ROBO1: variants seen among roughly 807,000 people sequenced by gnomAD.
ROBO1 encodes roundabout guidance receptor 1.
ROBO1 carries 149 observed loss-of-function variants against 195.9 expected under a neutral mutation model. The ratio of observed to expected loss-of-function variants is 0.76; its 90% CI spans 0.67 to 0.87. ROBO1 has a LOEUF of 0.87. Among genes scored for constraint, ROBO1 ranks in the 40% least tolerant of loss-of-function variants. The pLI, the probability that ROBO1 is intolerant of heterozygous loss-of-function variation, is 0.00. For missense variants in ROBO1, 1,933 were observed against 2,068.3 expected, an observed-to-expected ratio of 0.93 and a Z score of 1.27; for synonymous variants, 816 against 733.2, an observed-to-expected ratio of 1.11 and a Z score of -1.82.
intron 2 of ROBO1, among the ~76,000 whole-genome samples, chr3:79,531,919 G>T (rs1941677858): frequency 6.6e-6 from 1 of 152,168 alleles, no homozygotes; most frequent in Non-Finnish European, 1.5e-5. Flanking sequence ...GAGATAAATT[G>T]TAGAGATAGT....
intron 2 of ROBO1, among the ~76,000 whole-genome samples, chr3:79,330,907 A>T (rs765396568): frequency 1.3e-5 from 2 of 152,124 alleles, no homozygotes; most frequent in African/African-American, 4.8e-5. Flanking sequence ...ACATTGGATT[A>T]TATGAGCCCT....
intron 3 of ROBO1, among the ~76,000 whole-genome samples, chr3:78,974,800 T>C (rs747962457): frequency 7.9e-5 from 12 of 152,204 alleles, no homozygotes; most frequent in Non-Finnish European, 1.6e-4. Flanking sequence ...TTTTCAAAGA[T>C]ATATCATTTG....
intron 2 of ROBO1, among the ~76,000 whole-genome samples, chr3:79,408,879 T>A (rs557008522): frequency 6.6e-6 from 1 of 152,178 alleles, no homozygotes; most frequent in African/African-American, 2.4e-5. Flanking sequence ...ATACCTTTTA[T>A]ATATTCCAAA....
intron 2 of ROBO1, among the ~76,000 whole-genome samples, chr3:79,542,544 G>A (rs1359249744): frequency 2.0e-5 from 3 of 151,968 alleles, no homozygotes; most frequent in African/African-American, 7.2e-5. Context: ...ATATTCAAAG[G>A]TTTGTAGCAG....
At chr3:79,660,872 G>T (rs1432296393) in intron 1 of ROBO1, among the ~76,000 whole-genome samples, 1 of 152,042 alleles carries the variant, frequency 6.6e-6, no homozygotes, top group Non-Finnish European at 1.5e-5. Context: ...GACCAGTTAA[G>T]GTCCTGGCTA....
At chr3:79,261,568 GGCTATCTTCTTAAGA>G (rs1256274888) in intron 2 of ROBO1, among the ~76,000 whole-genome samples, 1 of 151,784 alleles carries the variant, frequency 6.6e-6, no homozygotes, top group Non-Finnish European at 1.5e-5. Context: ...TCATTTTTAA[GGCTATCTTCTTAAGA>G]GCTTGCATTA....
intron 5 of ROBO1, among the ~76,000 whole-genome samples, chr3:78,728,037 G>A (rs560273549): frequency 6.6e-6 from 1 of 151,980 alleles, no homozygotes; most frequent in South Asian, 2.1e-4. Flanking sequence ...ATAAACCTCA[G>A]CCAAATCACA....
In ROBO1 at chr3:78,935,660, G is replaced by A. The variant is rs905033457; in HGVS notation, c.499+2941C>T. 2.6e-5 allele frequency among the ~76,000 whole-genome samples: 4 copies of A among 152,002 alleles called. No homozygotes were observed. In the South Asian group the frequency reaches 8.3e-4, roughly 31 times the overall value. On this transcript the variant is annotated intron_variant, in intron 4 of 30. Transcript: ENST00000464233. ...AAGACCTTCTTAGAAAGTTGGGTTT[G>A]AAATTGAATTAGACAAATAGTGAGT...
At chr3:78,722,146 TATTCTTTGGG>T (rs1450459403) in intron 5 of ROBO1, among the ~76,000 whole-genome samples, 5 of 152,168 alleles carry the variant, frequency 3.3e-5, no homozygotes, top group African/African-American at 1.2e-4. Context: ...CTATCAGACC[TATTCTTTGGG>T]AGCACATATC....
At chr3:79,079,163 T>C (rs7625085) in intron 3 of ROBO1, among the ~76,000 whole-genome samples, 151,277 of 151,784 alleles carry the variant, frequency 1, 75,391 homozygotes, top group Middle Eastern at 1. Context: ...TAACACCATA[T>C]TGAAGCATGG....
intron 2 of ROBO1, among the ~76,000 whole-genome samples, chr3:79,219,319 A>C (rs913692444): frequency 2.6e-5 from 4 of 152,044 alleles, no homozygotes; most frequent in African/African-American, 9.7e-5. Context: ...AAATATGTCA[A>C]GTGATATCTA....
chr3:79,079,314 A>G (rs138476268), intron 3 of ROBO1, among the ~76,000 whole-genome samples: 13 of 151,944 alleles, frequency 8.6e-5, no homozygotes, highest in African/African-American at 2.9e-4. Context: ...AATAAAATTA[A>G]TTATCTGAAT....
In ROBO1 at chr3:79,570,449, A is replaced by T. The variant is rs896420467; in HGVS notation, c.88+19375T>A. 2.6e-5 allele frequency among the ~76,000 whole-genome samples: 4 copies of T among 152,186 alleles called. No individual in the cohort carries two copies. The East Asian group carries it at 7.7e-4, about 29-fold the overall frequency. ...AATATTGATTGTCATAACATGCAGA[A>T]AGGAGGCAAATGTTGAAATGACTGA... On this transcript the variant is annotated intron_variant, in intron 2 of 30. Coordinates refer to ENST00000464233, the MANE Select transcript of ROBO1 (RefSeq NM_002941.4).
chr3:78,916,231 C>CAG (rs1206882770), intron 4 of ROBO1, among the ~76,000 whole-genome samples: 3 of 132,094 alleles, frequency 2.3e-5, no homozygotes, highest in African/African-American at 6.1e-5. Context: ...GCCTGGGCGA[C>CAG]AGCGAGACTC....
At chr3:79,749,203 T>C (rs145323432) in intron 1 of ROBO1, among the ~76,000 whole-genome samples, 2 of 152,104 alleles carry the variant, frequency 1.3e-5, no homozygotes, top group Admixed American at 1.3e-4. Flanking sequence ...CTGGTGACAT[T>C]TTGCCCCTGC....
intron 2 of ROBO1, among the ~76,000 whole-genome samples, chr3:79,404,601 G>T (rs1484233528): frequency 6.6e-6 from 1 of 152,096 alleles, no homozygotes; most frequent in Non-Finnish European, 1.5e-5. Flanking sequence ...AGACGATTTG[G>T]TGCCATGCAC....
At chr3:79,263,097 T>C (rs1278587876) in intron 2 of ROBO1, among the ~76,000 whole-genome samples, 2 of 152,140 alleles carry the variant, frequency 1.3e-5, no homozygotes, top group Non-Finnish European at 2.9e-5. Flanking sequence ...TACCCTTTAG[T>C]ACCATCATTT....
intron 2 of ROBO1, among the ~76,000 whole-genome samples, chr3:79,217,404 A>G (rs1346216040): frequency 2.6e-5 from 4 of 152,018 alleles, no homozygotes; most frequent in African/African-American, 9.7e-5. Context: ...TGACTGTCAT[A>G]TCTCAAGCTT....
chr3:79,739,683 C>T (rs1703541489), intron 1 of ROBO1, among the ~76,000 whole-genome samples: 2 of 152,074 alleles, frequency 1.3e-5, no homozygotes, highest in South Asian at 2.1e-4. Flanking sequence ...GAAAAGATTA[C>T]TGTTTTGGAA....
Sources: allele counts gnomAD v4.1 joint callset (sites outside exome capture counted in the v4.1 genomes callset), GRCh38; gene constraint gnomAD v4.1.1; transcripts MANE v1.5; gene names NCBI Gene and HGNC (gene_info 2026-07-23, HGNC 2026-07-21).